TMEM185A: variants seen among roughly 807,000 people sequenced by gnomAD.
The protein encoded by TMEM185A is family with sequence similarity 11, member A.
TMEM185A carries 9 observed loss-of-function variants against 25.0 expected under a neutral mutation model. The ratio of observed to expected loss-of-function variants is 0.36; its 90% CI spans 0.22 to 0.63. The LOEUF is 0.63. Among genes scored for constraint, TMEM185A ranks in the 20% least tolerant of loss-of-function variants. The probability of loss-of-function intolerance (pLI) is 0.68; values close to 1 mark genes in which losing one functional copy is unlikely to be tolerated. For missense variants in TMEM185A, 103 were observed against 237.4 expected, an observed-to-expected ratio of 0.43 and a Z score of 3.72; for synonymous variants, 45 against 93.5, an observed-to-expected ratio of 0.48 and a Z score of 2.99.
intron 1 of TMEM185A, among the ~76,000 whole-genome samples, chrX:149,629,385 T>C (rs139047572): frequency 0.012 from 1,361 of 111,350 alleles, 21 homozygotes; most frequent in African/African-American, 0.042. Flanking sequence ...CTTTCTCCTA[T>C]AGAGAAGGCC....
chrX:149,604,187 A>T, intron 3 of TMEM185A, 117 bp from the exon 4 acceptor site: 1 of 485,260 alleles, frequency 2.1e-6, no homozygotes, highest in Non-Finnish European at 3.4e-6. Context: ...CTTGTATAAT[A>T]TTATATTGCA....
At chrX:149,604,646 C>A (rs192534462) in intron 3 of TMEM185A, among the ~76,000 whole-genome samples, 1 of 111,191 alleles carries the variant, frequency 9.0e-6, no homozygotes, top group Non-Finnish European at 1.9e-5. Context: ...ATCCTTTGAT[C>A]CAAGACCCCT....
rs1557351871 is a variant in TMEM185A, at chrX:149,597,237, T to C, written c.*774A>G. ...GCACCCCACGGGGGGGGGGGGAGTG[T>C]GCCACGGGCGTCCACTTCTGCAGCA... On this transcript the variant is annotated 3_prime_UTR_variant, in exon 7 of 7. Coordinates refer to ENST00000600449, the MANE Select transcript of TMEM185A (RefSeq NM_032508.4). 2.6e-5 allele frequency: 2 copies of C among 76,059 alleles called. No individual in the cohort carries two copies. The highest frequency in any genetic ancestry group is 8.8e-5 in the African/African-American group (2 of 22,760). The allele number at this position is 76,059 out of a possible 1,213,427, so 6.3% of individuals were successfully genotyped here.
intron 4 of TMEM185A, chrX:149,602,176 GT>G (rs1321950371): frequency 2.8e-5 from 3 of 108,076 alleles, no homozygotes; most frequent in Non-Finnish European, 3.8e-5. Context: ...GCAAGTCAGT[GT>G]TTTGATGTGT....
rs929347282 is a variant in TMEM185A, at chrX:149,611,569, T to G, written c.39-106A>C. On this transcript the variant is annotated intron_variant, in intron 1 of 6. Coordinates refer to ENST00000600449, the MANE Select transcript of TMEM185A (RefSeq NM_032508.4). Reference sequence around the variant, plus strand: ...TTTGTCAGCATGTAAAAGGAGTCACTAACTCAATAATCATTTATTGAAAAG... The same window carrying G: ...TTTGTCAGCATGTAAAAGGAGTCACGAACTCAATAATCATTTATTGAAAAG... 4 of 710,911 alleles carry G rather than the reference T, an allele frequency of 5.6e-6. No individual in the cohort carries two copies. The African/African-American group carries it at 8.7e-5, about 15-fold the overall frequency. 58.6% of individuals were successfully genotyped at this position (710,911 alleles called of 1,213,427 possible).
intron 1 of TMEM185A, among the ~76,000 whole-genome samples, chrX:149,626,720 C>T (rs1259918402): frequency 8.9e-6 from 1 of 112,092 alleles, no homozygotes; most frequent in Non-Finnish European, 1.9e-5. Flanking sequence ...ACTATCTTAG[C>T]GAGGGGAGTG....
At chrX:149,619,506 TTTA>T (rs1163091272) in intron 1 of TMEM185A, among the ~76,000 whole-genome samples, 2 of 110,987 alleles carry the variant, frequency 1.8e-5, no homozygotes, top group South Asian at 3.8e-4. Flanking sequence ...TTTTCTTTTT[TTTA>T]TTATTATTAT....
At chrX:149,622,456 T>G (rs181522198) in intron 1 of TMEM185A, among the ~76,000 whole-genome samples, 8 of 111,507 alleles carry the variant, frequency 7.2e-5, no homozygotes, top group Middle Eastern at 4.7e-3. Context: ...CAAGGTTATA[T>G]GAAGAGAATT....
At chrX:149,610,690 C>T (rs1455843644) in intron 2 of TMEM185A, among the ~76,000 whole-genome samples, 1 of 111,433 alleles carries the variant, frequency 9.0e-6, no homozygotes, top group African/African-American at 3.3e-5. Context: ...TTTGGGCCAG[C>T]GGAGGCATCC....
chrX:149,614,387 T>C (rs1014656613), intron 1 of TMEM185A, among the ~76,000 whole-genome samples: 7 of 111,787 alleles, frequency 6.3e-5, no homozygotes, highest in African/African-American at 2.3e-4. Context: ...AAACACAATA[T>C]ACCAAAATTT....
chrX:149,603,379 G>A (rs921914809), intron 4 of TMEM185A, among the ~76,000 whole-genome samples: 3 of 109,166 alleles, frequency 2.7e-5, no homozygotes, highest in East Asian at 5.7e-4. Context: ...AGCTCACCTC[G>A]GCCTCCCAAA....
At chrX:149,604,652 C>G (rs1367320335) in intron 3 of TMEM185A, among the ~76,000 whole-genome samples, 2 of 111,289 alleles carry the variant, frequency 1.8e-5, no homozygotes, top group African/African-American at 6.6e-5. Context: ...TGATCCAAGA[C>G]CCCTCTTAGC....
Position 149,631,723 on chromosome X carries a change from TCGCCGTCGCCGTCGCCGCCGCCGC to T in TMEM185A, c.-167_-144del, listed in dbSNP as rs1183095397. ...GCTACTGCTGCCGTCCCCGCTGCCG[TCGCCGTCGCCGTCGCCGCCGCCGC>T]CGCCGCCGCCGCCGCCGCCGCCGCC... On this transcript the variant is annotated 5_prime_UTR_variant, in exon 1 of 7. Coordinates refer to ENST00000600449, the MANE Select transcript of TMEM185A (RefSeq NM_032508.4). 3.8e-5 allele frequency: 17 copies of T among 450,545 alleles called. 1 individual carries two copies. Among genetic ancestry groups the T allele is most frequent in the Middle Eastern group, 6.9e-4 (1 of 1,443 alleles). The allele number at this position is 450,545 out of a possible 1,213,427, so 37.1% of individuals were successfully genotyped here. A position where few individuals can be genotyped will look rare whatever the true frequency, so the allele number is the denominator to read the frequency against.
chrX:149,605,303 ATGT>A (rs2090042038), intron 3 of TMEM185A: 1 of 63,434 alleles, frequency 1.6e-5, no homozygotes, highest in African/African-American at 1.0e-4. Context: ...ATGGCCTCCC[ATGT>A]CACTATGGCC....
intron 1 of TMEM185A, among the ~76,000 whole-genome samples, chrX:149,616,225 C>G (rs1289323229): frequency 1.8e-5 from 2 of 112,198 alleles, no homozygotes; most frequent in Non-Finnish European, 3.8e-5. Flanking sequence ...ATACTGTGTT[C>G]ATAGAACACT....
intron 1 of TMEM185A, among the ~76,000 whole-genome samples, chrX:149,630,334 T>A (rs1557356491): frequency 9.1e-6 from 1 of 109,316 alleles, no homozygotes; most frequent in Non-Finnish European, 1.9e-5. Flanking sequence ...CTTCCTTTCA[T>A]CCTCAACAAG....
At chrX:149,605,046 C>T (rs1281610352) in intron 3 of TMEM185A, 3 of 112,285 alleles carry the variant, frequency 2.7e-5, no homozygotes, top group Non-Finnish European at 5.6e-5. Flanking sequence ...CACTCACCCG[C>T]TGCACCCTGG....
chrX:149,616,414 T>C (rs782306908), intron 1 of TMEM185A, among the ~76,000 whole-genome samples: 1 of 111,930 alleles, frequency 8.9e-6, no homozygotes, highest in African/African-American at 3.2e-5. Flanking sequence ...CTGGAGACTC[T>C]ATGGGAGAAT....
rs782446828 is a variant in TMEM185A, at chrX:149,614,272, T to C, written c.39-2809A>G. On this transcript the variant is annotated intron_variant, in intron 1 of 6. Transcript: ENST00000600449. The stretch of plus-strand genomic sequence containing the variant: ...ACTAGAAATCAACAATAGAAAAATA[T>C]CTGGAAAATTCTCAAAATACTTGAA... Among the ~76,000 whole-genome samples, 44 of 111,927 alleles carry C rather than the reference T, an allele frequency of 3.9e-4. No individual in the cohort carries two copies. In the Middle Eastern group the frequency reaches 0.014, roughly 35 times the overall value.
Sources: allele counts gnomAD v4.1 joint callset (sites outside exome capture counted in the v4.1 genomes callset), GRCh38; gene constraint gnomAD v4.1.1; transcripts MANE v1.5; gene names NCBI Gene and HGNC (gene_info 2026-07-23, HGNC 2026-07-21).